Variants in CSMD1 observed in about 807,000 individuals in gnomAD.
The protein encoded by CSMD1 is CUB and Sushi multiple domains 1.
CSMD1 carries 213 observed loss-of-function variants against 417.5 expected under a neutral mutation model. The ratio of observed to expected loss-of-function variants is 0.51; its 90% CI spans 0.46 to 0.57. CSMD1 has a LOEUF of 0.57. Ranked by LOEUF, CSMD1 falls within the 20% of genes least tolerant of loss-of-function variation. The pLI is 0.00. For synonymous variants in CSMD1, 2,862 were observed against 1,736.8 expected, an observed-to-expected ratio of 1.65 and a Z score of -16.11; for missense variants, 6,923 against 4,529.7, an observed-to-expected ratio of 1.53 and a Z score of -15.17.
At chr8:3,295,922 C>G (rs575795557) in intron 25 of CSMD1, among the ~76,000 whole-genome samples, 2 of 152,028 alleles carry the variant, frequency 1.3e-5, no homozygotes, top group South Asian at 4.1e-4. Context: ...GAGTGCACCT[C>G]GAGGAACTTT....
chr8:4,047,298 G>C (rs982234556), intron 3 of CSMD1, among the ~76,000 whole-genome samples: 1 of 152,218 alleles, frequency 6.6e-6, no homozygotes, highest in South Asian at 2.1e-4. Flanking sequence ...GAAGGAGAGA[G>C]ACATAAAGTG....
At chr8:3,447,828 G>C (rs1815397706) in intron 12 of CSMD1, among the ~76,000 whole-genome samples, 1 of 152,080 alleles carries the variant, frequency 6.6e-6, no homozygotes, top group Non-Finnish European at 1.5e-5. Context: ...GCCATTTTTG[G>C]GTTTGAGATG....
intron 3 of CSMD1, among the ~76,000 whole-genome samples, chr8:4,195,888 G>A (rs1259271971): frequency 6.6e-6 from 1 of 152,066 alleles, no homozygotes; most frequent in Non-Finnish European, 1.5e-5. Flanking sequence ...AGAGGACTCA[G>A]CACAGTCCCA....
chr8:3,303,199 C>T (rs1006024167), intron 25 of CSMD1, among the ~76,000 whole-genome samples: 1 of 152,150 alleles, frequency 6.6e-6, no homozygotes, highest in African/African-American at 2.4e-5. Context: ...CAGGAAAATT[C>T]TCCAACCCAT....
chr8:3,992,156 T>C (rs1401040567), intron 5 of CSMD1, among the ~76,000 whole-genome samples: 3 of 150,976 alleles, frequency 2.0e-5, no homozygotes, highest in Admixed American at 6.6e-5. Context: ...ATATATTATA[T>C]ATATTTTTAT....
rs115744971 is a variant in CSMD1 at position 4,870,221 on chromosome 8, A to C, written c.85+124111T>G. Reference sequence around the variant, plus strand: ...ACTGTTAATTCCCTGGTCCTTCTTCATCCCACAACTCAAAAGTAAAAACTG... The same window carrying C: ...ACTGTTAATTCCCTGGTCCTTCTTCCTCCCACAACTCAAAAGTAAAAACTG... On this transcript the variant is annotated intron_variant, in intron 1 of 69. Transcript: ENST00000635120. 9.3e-3 allele frequency among the ~76,000 whole-genome samples: 1,421 copies of C among 152,264 alleles called. 36 individuals carry two copies. Among genetic ancestry groups the C allele is most frequent in the African/African-American group, 0.032 (1,337 of 41,518 alleles).
intron 3 of CSMD1, among the ~76,000 whole-genome samples, chr8:4,069,986 G>A (rs1034974455): frequency 6.6e-6 from 1 of 151,476 alleles, no homozygotes; most frequent in African/African-American, 2.4e-5. Flanking sequence ...GTTCTTTCCT[G>A]CCTTCCTTTA....
At chr8:4,890,497 G>C (rs879465242) in intron 1 of CSMD1, among the ~76,000 whole-genome samples, 3 of 150,556 alleles carry the variant, frequency 2.0e-5, no homozygotes, top group Non-Finnish European at 4.4e-5. Flanking sequence ...CACAGCCATG[G>C]GTATCCTGGG....
At chr8:3,218,175 C>G (rs1167704079) in intron 29 of CSMD1, among the ~76,000 whole-genome samples, 1 of 152,158 alleles carries the variant, frequency 6.6e-6, no homozygotes, top group Non-Finnish European at 1.5e-5. Flanking sequence ...AAGAAAAGAG[C>G]TCTGAGCAGC....
intron 3 of CSMD1, among the ~76,000 whole-genome samples, chr8:4,305,625 T>C (rs544568832): frequency 1.3e-5 from 2 of 152,350 alleles, no homozygotes; most frequent in South Asian, 4.1e-4. Context: ...TAAGACCGTT[T>C]TAGCTGAAGG....
chr8:4,746,289 G>A (rs952804696), intron 1 of CSMD1, among the ~76,000 whole-genome samples: 3 of 152,160 alleles, frequency 2.0e-5, no homozygotes, highest in Admixed American at 6.5e-5. Flanking sequence ...TTAGAGCCTG[G>A]TGCCCTTTTT....
intron 5 of CSMD1, among the ~76,000 whole-genome samples, chr8:3,883,421 T>A (rs1312782771): frequency 6.6e-6 from 1 of 152,174 alleles, no homozygotes; most frequent in Admixed American, 6.6e-5. Flanking sequence ...TATATATGTA[T>A]GTGTGTGTAT....
chr8:4,563,735 C>T (rs982829511), intron 2 of CSMD1, among the ~76,000 whole-genome samples: 1 of 152,112 alleles, frequency 6.6e-6, no homozygotes, highest in African/African-American at 2.4e-5. Flanking sequence ...AAAATGTGAC[C>T]TGTTGACATG....
At chr8:4,331,341 T>C (rs897997661) in intron 3 of CSMD1, among the ~76,000 whole-genome samples, 16 of 152,126 alleles carry the variant, frequency 1.1e-4, no homozygotes, top group Admixed American at 5.2e-4. Flanking sequence ...AGACTAATTT[T>C]ACCCCGCCCC....
At chr8:3,604,299 C>T (rs946133342) in intron 8 of CSMD1, among the ~76,000 whole-genome samples, 3 of 150,462 alleles carry the variant, frequency 2.0e-5, no homozygotes, top group Non-Finnish European at 3.0e-5. Flanking sequence ...AGGGAGGCTG[C>T]GGGGGGGGAC....
intron 3 of CSMD1, among the ~76,000 whole-genome samples, chr8:4,210,573 T>C (rs1373101663): frequency 6.6e-6 from 1 of 152,210 alleles, no homozygotes; most frequent in Admixed American, 6.5e-5. Flanking sequence ...ACACAATATC[T>C]GACCAATTTT....
At chr8:4,857,959 C>A (rs1361218671) in intron 1 of CSMD1, among the ~76,000 whole-genome samples, 1 of 151,770 alleles carries the variant, frequency 6.6e-6, no homozygotes, top group African/African-American at 2.4e-5. Flanking sequence ...GAGACACAAC[C>A]AAAAAAGAGA....
intron 42 of CSMD1, among the ~76,000 whole-genome samples, chr8:3,113,697 A>G (rs557734634): frequency 6.6e-6 from 1 of 152,264 alleles, no homozygotes; most frequent in East Asian, 1.9e-4. Context: ...ACTTTTGGTG[A>G]TTCACACACA....
At position 4,555,036 on chromosome 8, in the gene CSMD1, G is replaced by A. The variant is rs531891411; in HGVS notation, c.302+82306C>T. 3.3e-5 allele frequency among the ~76,000 whole-genome samples: 5 copies of A among 152,316 alleles called. No homozygotes were observed. In the South Asian group the frequency reaches 8.3e-4, roughly 25 times the overall value. ...ACGCAAGTAAGACTCAGAGATGCTGGTAGGAGCCAGCCCACGCAATTCCAA... is the reference window on the plus strand; with the variant it reads ...ACGCAAGTAAGACTCAGAGATGCTGATAGGAGCCAGCCCACGCAATTCCAA... On this transcript the variant is annotated intron_variant, in intron 2 of 69. Transcript: ENST00000635120.
Sources: allele counts gnomAD v4.1 joint callset (sites outside exome capture counted in the v4.1 genomes callset), GRCh38; gene constraint gnomAD v4.1.1; transcripts MANE v1.5; gene names NCBI Gene and HGNC (gene_info 2026-07-23, HGNC 2026-07-21).